MYO15A: variants seen among roughly 807,000 people sequenced by gnomAD.
The protein encoded by MYO15A is myosin XVA.
Under a neutral mutation model 394.6 loss-of-function variants are expected in MYO15A, and 308 were observed. The observed-to-expected ratio is 0.78, with a 90% CI of 0.71 to 0.86. The LOEUF is 0.86. Ranked by LOEUF, MYO15A falls within the 40% of genes least tolerant of loss-of-function variation. MYO15A has a pLI of 0.00. For synonymous variants in MYO15A, 1,957 were observed against 2,003.8 expected, an observed-to-expected ratio of 0.98 and a Z score of 0.62; for missense variants, 4,606 against 4,799.1, an observed-to-expected ratio of 0.96 and a Z score of 1.19.
chr17:18,144,136 T>C, intron 28 of MYO15A, 136 bp downstream of exon 28: 2 of 1,429,416 alleles, frequency 1.4e-6, no homozygotes, highest in East Asian at 2.4e-5. Context: ...TGCTGGATCA[T>C]AGGGAATCTG....
chr17:18,133,098 T>C (rs947821094), intron 11 of MYO15A, 127 bp from the exon 12 acceptor site: 4 of 928,036 alleles, frequency 4.3e-6, no homozygotes, highest in Non-Finnish European at 6.8e-6. Flanking sequence ...TCCGTGCCCA[T>C]GAGAGTGAAA....
rs770882797 is a variant in MYO15A at position 18,142,068 on chromosome 17, C to G, written c.5650-11C>G. ...CTCCTATCTGCCTCAGTGCCTTCCT[C>G]CTGTCCTTAGCTGTTCCTTAAGGAA... On this transcript the variant is annotated splice_polypyrimidine_tract_variant and intron_variant, in intron 23 of 65. Coordinates refer to ENST00000647165, the MANE Select transcript of MYO15A (RefSeq NM_016239.4). 2 of 1,611,884 alleles carry G rather than the reference C, an allele frequency of 1.2e-6. No individual in the cohort carries two copies. The highest frequency in any genetic ancestry group is 1.7e-6 in the Non-Finnish European group (2 of 1,180,002).
intron 59 of MYO15A, 125 bp downstream of exon 59, chr17:18,163,446 C>T (rs2046805156): frequency 1.9e-6 from 2 of 1,048,908 alleles, no homozygotes; most frequent in Admixed American, 1.9e-5. Flanking sequence ...CTCCCACAGC[C>T]CCACAAGGCA....
chr17:18,133,173 G>C, intron 11 of MYO15A, 52 bp from the exon 12 acceptor site: 1 of 1,594,828 alleles, frequency 6.3e-7, no homozygotes. Flanking sequence ...GACCTGGAGG[G>C]CTCCCCAGCC....
At chr17:18,139,336 A>G in intron 18 of MYO15A, 198 bp from the exon 19 acceptor site, 1 of 672,064 alleles carries the variant, frequency 1.5e-6, no homozygotes, top group Admixed American at 2.2e-5. Flanking sequence ...GGCACAGGAC[A>G]ATGTCCTTCA....
chr17:18,149,532 C>A lies in MYO15A; in HGVS notation c.7164C>A (p.Asp2388Glu). Residue 2388 changes from aspartate (D) to glutamate (E), a missense_variant, in exon 35 of 66, where the codon GAC (aspartate) becomes GAA (glutamate). Asp to Glu is a conservative substitution (Grantham distance 45, BLOSUM62 2). This residue lies in a region of MYO15A where 2,776 missense variants were observed against 3,109.3 expected (regional missense o/e 0.89). Coordinates refer to ENST00000647165, the MANE Select transcript of MYO15A (RefSeq NM_016239.4). Reference sequence around the variant, plus strand: ...CTGCTGTGCCCCACAAGGGGCTGGACTGCTACCTGGATAGCCTCTTTGACC... The same window carrying A: ...CTGCTGTGCCCCACAAGGGGCTGGAATGCTACCTGGATAGCCTCTTTGACC... ...GEPAVPHKGL[D>E]CYLDSLFDPV... 1 of 1,614,222 alleles carries A rather than the reference C, an allele frequency of 6.2e-7. No homozygotes were observed. The highest frequency in any genetic ancestry group is 8.5e-7 in the Non-Finnish European group (1 of 1,180,026).
chr17:18,159,601 T>G lies in MYO15A; in HGVS notation c.9230-5T>G. On this transcript the variant is annotated splice_polypyrimidine_tract_variant and splice_region_variant and intron_variant, in intron 54 of 65. Coordinates refer to ENST00000647165, the MANE Select transcript of MYO15A (RefSeq NM_016239.4). The stretch of plus-strand genomic sequence containing the variant: ...GGGTCTGAGTGGGATAGGTCTTTCC[T>G]ACAGCTGTAATGAGGTTCATGGGGG... The G allele has an allele frequency of 6.2e-7, 1 of 1,613,930 alleles. No homozygotes were observed. The highest frequency in any genetic ancestry group is 8.5e-7 in the Non-Finnish European group (1 of 1,179,992).
Position 18,141,013 on chromosome 17 carries a change from C to A in MYO15A, c.5407-6C>A. ...GTGCAGACTCCCTCTCTGGGCATCC[C>A]TACAGGAGCCAGGTCTCTTTGAGCC... is the stretch of plus-strand genomic sequence containing the variant. On this transcript the variant is annotated splice_region_variant and splice_polypyrimidine_tract_variant and intron_variant, in intron 21 of 65. Transcript: ENST00000647165. The A allele has an allele frequency of 5.6e-6, 9 of 1,613,826 alleles. No individual in the cohort carries two copies. Among genetic ancestry groups the A allele is most frequent in the Non-Finnish European group, 6.8e-6 (8 of 1,180,022 alleles).
Position 18,143,892 on chromosome 17 carries a change from T to A in MYO15A, c.6069T>A (p.Pro2023=). 6.3e-7 allele frequency: 1 copy of A among 1,590,250 alleles called. No individual in the cohort carries two copies. Among genetic ancestry groups the A allele is most frequent in the Non-Finnish European group, 8.6e-7 (1 of 1,167,404 alleles). Residue 2023 remains proline, a synonymous_variant, in exon 28 of 66, where the codon CCT becomes CCA. Coordinates refer to ENST00000647165, the MANE Select transcript of MYO15A (RefSeq NM_016239.4). The part of the protein sequence containing the change: ...AVAGLGLAQV[P]QVAPVRTPRL... ...CAGGCCTCGGGCTGGCCCAGGTGCC[T>A]CAGGTGGCCCCTGTGAGGACTCCTC...
intron 17 of MYO15A, among the ~76,000 whole-genome samples, chr17:18,138,544 T>TC (rs2046321648): frequency 6.6e-6 from 1 of 152,132 alleles, no homozygotes; most frequent in African/African-American, 2.4e-5. Flanking sequence ...GGCAGTGAGA[T>TC]CAATAGAGTG....
chr17:18,119,676 C>G lies in MYO15A; in HGVS notation c.876C>G (p.Pro292=). ...PPEDPYDYYH[P]DYYGGPFDPG... is the part of the protein sequence containing the mutation. Reference sequence around the variant, plus strand: ...AGGATCCCTACGACTACTACCACCCCGACTATTACGGTGGCCCCTTTGATC... The same window carrying G: ...AGGATCCCTACGACTACTACCACCCGGACTATTACGGTGGCCCCTTTGATC... The change falls in exon 2 of 66, where the codon CCC becomes CCG. Residue 292 remains proline (P), a synonymous_variant. Transcript: ENST00000647165. 1 of 1,607,292 alleles carries G rather than the reference C, an allele frequency of 6.2e-7. No individual in the cohort carries two copies. The highest frequency in any genetic ancestry group is 8.5e-7 in the Non-Finnish European group (1 of 1,179,954).
At chr17:18,110,162 A>G (rs1355002247) in intron 1 of MYO15A, 2 of 151,776 alleles carry the variant, frequency 1.3e-5, no homozygotes, top group Non-Finnish European at 2.9e-5. Context: ...AGCCAACCCC[A>G]AGACTACTTG....
intron 19 of MYO15A, 67 bp downstream of exon 19, chr17:18,139,678 C>A: frequency 6.4e-7 from 1 of 1,565,038 alleles, no homozygotes; most frequent in Non-Finnish European, 8.8e-7. Context: ...ACCCAGCCTG[C>A]CTTCAGGCCT....
At chr17:18,122,531 C>G in intron 2 of MYO15A, 122 bp downstream of exon 2, 3 of 1,416,628 alleles carry the variant, frequency 2.1e-6, no homozygotes, top group Non-Finnish European at 2.8e-6. Context: ...GCCTCAGTCT[C>G]TGGGTCTGTA....
In MYO15A at chr17:18,159,660, T is replaced by TG. The variant is rs1183149745; in HGVS notation, c.9285dup (p.Leu3096AlafsTer3). 6.2e-7 allele frequency: 1 copy of TG among 1,614,146 alleles called. No individual in the cohort carries two copies. On this transcript the variant is annotated frameshift_variant, in exon 55 of 66. Transcript: ENST00000647165. LOFTEE classifies it high-confidence loss of function. ...CTGAAGGGCCAGAGTGACCTGGACG[T>TG]GCTTTGTAACCTCCTGAAGGTCAGT...
intron 1 of MYO15A, among the ~76,000 whole-genome samples, chr17:18,115,478 C>T (rs998895458): frequency 2.0e-5 from 3 of 152,058 alleles, no homozygotes; most frequent in South Asian, 2.1e-4. Flanking sequence ...ATTAGCTGGG[C>T]GTGGCGGTGT....
chr17:18,115,484 G>A (rs1317009274), intron 1 of MYO15A, among the ~76,000 whole-genome samples: 3 of 152,120 alleles, frequency 2.0e-5, no homozygotes, highest in South Asian at 2.1e-4. Context: ...TGGGCGTGGC[G>A]GTGTGTGTCT....
Position 18,140,560 on chromosome 17 carries a change from C to T in MYO15A, c.5255C>T (p.Pro1752Leu). 2 of 1,613,736 alleles carry T rather than the reference C, an allele frequency of 1.2e-6. No homozygotes were observed. The highest frequency in any genetic ancestry group is 1.7e-6 in the Non-Finnish European group (2 of 1,180,042). Residue 1752 changes from proline (P) to leucine (L), a missense_variant, in exon 20 of 66, where the codon CCT becomes CTT. Pro to Leu is a moderately conservative substitution (Grantham distance 98). Around this residue, in one of 2 missense-constraint regions of MYO15A, gnomAD observed 2,776 missense variants for 3,109.3 expected, o/e 0.89. Transcript: ENST00000647165. ...TCCAGCCATGCCCCACAGGCTGCCC[C>T]TCAGCGCCTGGGCAAGAGCAGCTCC... ...LFSSHAPQAA[P>L]QRLGKSSSVT...
Position 18,159,591 on chromosome 17 carries a change from A to G in MYO15A, c.9230-15A>G, listed in dbSNP as rs1567659353. ...GGGGTTTGGTGGGTCTGAGTGGGAT[A>G]GGTCTTTCCTACAGCTGTAATGAGG... is the stretch of plus-strand genomic sequence containing the variant. On this transcript the variant is annotated splice_polypyrimidine_tract_variant and intron_variant, in intron 54 of 65. Transcript: ENST00000647165. 4 of 1,613,524 alleles carry G rather than the reference A, an allele frequency of 2.5e-6. No individual in the cohort carries two copies. Among genetic ancestry groups the G allele is most frequent in the Non-Finnish European group, 3.4e-6 (4 of 1,179,932 alleles).
Sources: allele counts gnomAD v4.1 joint callset (sites outside exome capture counted in the v4.1 genomes callset), GRCh38; gene constraint gnomAD v4.1.1; regional missense constraint gnomAD v4.1.1; transcripts MANE v1.5; gene names NCBI Gene and HGNC (gene_info 2026-07-23, HGNC 2026-07-21).